CDH12: variants seen among roughly 807,000 people sequenced by gnomAD.
The protein encoded by CDH12 is cadherin-12.
In CDH12, 41 loss-of-function variants were observed where a neutral mutation model predicts 74.1. The ratio of observed to expected loss-of-function variants is 0.55; its 90% CI spans 0.43 to 0.72. The LOEUF (loss-of-function observed/expected upper bound fraction) is 0.72, where lower values mean the gene tolerates loss of function less well. Among genes scored for constraint, CDH12 ranks in the 30% least tolerant of loss-of-function variants. The pLI, the probability that CDH12 is intolerant of heterozygous loss-of-function variation, is 0.00. For synonymous variants in CDH12, 399 were observed against 355.0 expected (o/e 1.12, Z -1.39); for missense variants, 945 against 977.2 (o/e 0.97, Z 0.44).
chr5:22,611,452 A>C (rs1737394584), intron 1 of CDH12, among the ~76,000 whole-genome samples: 1 of 152,156 alleles, frequency 6.6e-6, no homozygotes, highest in African/African-American at 2.4e-5. Flanking sequence ...TCAGGGTGAC[A>C]GTGAACAACA....
At chr5:22,061,819 T>C (rs547036006) in intron 5 of CDH12, among the ~76,000 whole-genome samples, 5 of 152,288 alleles carry the variant, frequency 3.3e-5, no homozygotes, top group African/African-American at 1.2e-4. Flanking sequence ...GGTGCCAATA[T>C]AACTTGTACT....
At chr5:22,285,177 T>G (rs1393533686) in intron 3 of CDH12, among the ~76,000 whole-genome samples, 1 of 152,170 alleles carries the variant, frequency 6.6e-6, no homozygotes, top group South Asian at 2.1e-4. Flanking sequence ...ATTTCTCTAC[T>G]TAATGGTGAA....
At chr5:22,019,349 C>T (rs932217069) in intron 5 of CDH12, among the ~76,000 whole-genome samples, 4 of 152,082 alleles carry the variant, frequency 2.6e-5, no homozygotes, top group Non-Finnish European at 4.4e-5. Flanking sequence ...TAGAAAATGC[C>T]AGTTAGAAAA....
chr5:22,405,668 T>G (rs1016327997), intron 2 of CDH12, among the ~76,000 whole-genome samples: 1 of 152,194 alleles, frequency 6.6e-6, no homozygotes, highest in East Asian at 1.9e-4. Context: ...CGTGACTTAA[T>G]GGTGACAGAA....
chr5:22,110,772 G>C (rs143415632), intron 4 of CDH12, among the ~76,000 whole-genome samples: 2 of 152,304 alleles, frequency 1.3e-5, no homozygotes, highest in African/African-American at 4.8e-5. Context: ...CACCTTAGCA[G>C]ATTTCAGGCT....
intron 3 of CDH12, among the ~76,000 whole-genome samples, chr5:22,260,926 A>T (rs771907753): frequency 1.3e-5 from 2 of 151,986 alleles, no homozygotes; most frequent in Non-Finnish European, 2.9e-5. Flanking sequence ...TTCCGATAAT[A>T]GTAACACAAT....
At chr5:22,289,337 G>A (rs1015481599) in intron 3 of CDH12, among the ~76,000 whole-genome samples, 3 of 152,084 alleles carry the variant, frequency 2.0e-5, no homozygotes, top group African/African-American at 7.2e-5. Context: ...CTACAAACTG[G>A]AAATTGAAGG....
At chr5:22,271,417 T>C (rs1278284581) in intron 3 of CDH12, among the ~76,000 whole-genome samples, 1 of 152,178 alleles carries the variant, frequency 6.6e-6, no homozygotes, top group Non-Finnish European at 1.5e-5. Context: ...CATGGAAGTA[T>C]TGAATCCCTC....
rs776858744 is a variant in CDH12, at chr5:22,248,881, T to C, written c.-332-36238A>G. Among the ~76,000 whole-genome samples the C allele has an allele frequency of 2.0e-5, 3 of 152,000 alleles. No homozygotes were observed. The East Asian group carries it at 5.8e-4, about 29-fold the overall frequency. On this transcript the variant is annotated intron_variant, in intron 3 of 14. Coordinates refer to ENST00000382254, the MANE Select transcript of CDH12 (RefSeq NM_004061.5). ...TAATCATTTATATTACAAATAAATA[T>C]AAAAATATTCAGAACAAAAATGTCA...
At chr5:21,790,922 C>G (rs1266832759) in intron 10 of CDH12, among the ~76,000 whole-genome samples, 1 of 152,032 alleles carries the variant, frequency 6.6e-6, no homozygotes, top group African/African-American at 2.4e-5. Flanking sequence ...TATCCAGGCT[C>G]TATTTCACAC....
chr5:22,202,029 T>G (rs573038266), intron 4 of CDH12, among the ~76,000 whole-genome samples: 1 of 152,232 alleles, frequency 6.6e-6, no homozygotes, highest in African/African-American at 2.4e-5. Flanking sequence ...AGAGTGCCAC[T>G]TACTGAGACG....
chr5:22,748,856 G>A (rs76648948), intron 1 of CDH12, among the ~76,000 whole-genome samples: 2 of 152,150 alleles, frequency 1.3e-5, no homozygotes, highest in Non-Finnish European at 2.9e-5. Flanking sequence ...ATGTTTTAGC[G>A]TAGGGGCTGT....
At chr5:21,761,861 G>A (rs544024990) in intron 12 of CDH12, among the ~76,000 whole-genome samples, 13 of 152,188 alleles carry the variant, frequency 8.5e-5, no homozygotes, top group South Asian at 4.1e-4. Context: ...TGGTCCTCTC[G>A]TATGAATTTT....
intron 5 of CDH12, among the ~76,000 whole-genome samples, chr5:22,008,340 C>T (rs1737086301): frequency 1.3e-5 from 2 of 152,040 alleles, no homozygotes; most frequent in African/African-American, 4.8e-5. Flanking sequence ...AGCAAATCTC[C>T]TGCCTCAGTC....
chr5:22,447,985 T>TTAAAA (rs554439718), intron 2 of CDH12, among the ~76,000 whole-genome samples: 34 of 84,470 alleles, frequency 4.0e-4, no homozygotes, highest in African/African-American at 1.6e-3. Flanking sequence ...TACAAGAAAT[T>TTAAAA]AAAAAAAAAA....
intron 1 of CDH12, among the ~76,000 whole-genome samples, chr5:22,518,650 G>A (rs1430231339): frequency 2.0e-5 from 3 of 152,120 alleles, no homozygotes; most frequent in Admixed American, 6.5e-5. Flanking sequence ...TAGACCATAA[G>A]CCTTGAATTC....
intron 5 of CDH12, among the ~76,000 whole-genome samples, chr5:22,073,158 G>A (rs1048622606): frequency 4.6e-5 from 7 of 152,040 alleles, no homozygotes; most frequent in African/African-American, 1.7e-4. Flanking sequence ...GCTTAATACT[G>A]TCTCAGTTGT....
Position 22,542,276 on chromosome 5 carries a change from C to T in CDH12, c.-522-36912G>A, listed in dbSNP as rs138542537. On this transcript the variant is annotated intron_variant, in intron 1 of 14. Transcript: ENST00000382254. ...ATAAACTCCACCTAGCTTTTAAAAG[C>T]AATTTTAAAAAATTGGTCAGTAATT... Among the ~76,000 whole-genome samples, 370 of 152,172 alleles carry T rather than the reference C, an allele frequency of 2.4e-3. 1 individual carries two copies. The highest frequency in any genetic ancestry group is 8.0e-3 in the African/African-American group (331 of 41,538).
At chr5:22,556,142 A>G (rs2126741255) in intron 1 of CDH12, among the ~76,000 whole-genome samples, 1 of 152,154 alleles carries the variant, frequency 6.6e-6, no homozygotes, top group African/African-American at 2.4e-5. Flanking sequence ...AACAGGACAC[A>G]GTGAAAGATG....
Sources: gnomAD v4.1 joint callset for allele counts (sites outside exome capture counted in the v4.1 genomes callset) on GRCh38, gnomAD v4.1.1 for gene constraint, MANE v1.5 for transcripts, NCBI Gene and HGNC (gene_info 2026-07-23, HGNC 2026-07-21) for gene names.